CFAP54: variants seen among roughly 807,000 people sequenced by gnomAD.
CFAP54 encodes cilia and flagella associated protein 54, also known as cilia- and flagella-associated protein 54.
CFAP54 carries 290 observed loss-of-function variants against 370.4 expected under a neutral mutation model. The ratio of observed to expected loss-of-function variants is 0.78; its 90% CI spans 0.71 to 0.86. The LOEUF (loss-of-function observed/expected upper bound fraction) is 0.86, where lower values mean the gene tolerates loss of function less well. Ranked by LOEUF, CFAP54 falls within the 40% of genes least tolerant of loss-of-function variation. The probability of loss-of-function intolerance (pLI) is 0.00; values close to 1 mark genes in which losing one functional copy is unlikely to be tolerated. For missense variants in CFAP54, 3,399 were observed against 3,528.7 expected, an observed-to-expected ratio of 0.96 and a Z score of 0.93; for synonymous variants, 1,206 against 1,236.5, an observed-to-expected ratio of 0.98 and a Z score of 0.52.
At chr12:96,794,711 A>G in intron 63 of CFAP54, among the ~76,000 whole-genome samples, 1 of 152,214 alleles carries the variant, frequency 6.6e-6, no homozygotes, top group East Asian at 1.9e-4. Context: ...GTAGCTTAAT[A>G]ATCAACCTTC....
At chr12:96,639,606 G>T (rs1956702094) in intron 32 of CFAP54, among the ~76,000 whole-genome samples, 1 of 152,194 alleles carries the variant, frequency 6.6e-6, no homozygotes, top group Non-Finnish European at 1.5e-5. Flanking sequence ...TGATACCAAA[G>T]CTTAGCAGAG....
chr12:96,744,822 A>AT (rs1347895293), intron 55 of CFAP54, among the ~76,000 whole-genome samples: 1 of 152,092 alleles, frequency 6.6e-6, no homozygotes, highest in Non-Finnish European at 1.5e-5. Context: ...CCCAGCATTC[A>AT]TTGGCCATTC....
chr12:96,720,554 G>C lies in CFAP54; in HGVS notation c.6954G>C (p.Arg2318=). The C allele has an allele frequency of 6.4e-6, 10 of 1,551,768 alleles. No individual in the cohort carries two copies. Among genetic ancestry groups the C allele is most frequent in the Non-Finnish European group, 8.7e-6 (10 of 1,145,430 alleles). ...CTGCAGTTGCTCTGCAGAGGCACCG[G>C]GCGGCATACAGGTGCGTCTCTCCAT... The part of the protein sequence containing the change: ...QLAAVALQRH[R]AAYSAAIVFS... The change falls in exon 50 of 68, where the codon CGG becomes CGC. Residue 2318 remains arginine (R), a synonymous_variant. Coordinates refer to ENST00000524981, the MANE Select transcript of CFAP54 (RefSeq NM_001306084.2).
intron 5 of CFAP54, among the ~76,000 whole-genome samples, chr12:96,516,210 C>T (rs1176344485): frequency 2.0e-5 from 3 of 152,026 alleles, no homozygotes; most frequent in African/African-American, 4.8e-5. Context: ...CCACTGCGTC[C>T]GGCCATTACC....
chr12:96,795,639 A>G (rs1958753744), intron 63 of CFAP54, among the ~76,000 whole-genome samples: 2 of 151,734 alleles, frequency 1.3e-5, no homozygotes, highest in African/African-American at 2.4e-5. Flanking sequence ...GTGCCCTCCC[A>G]ATGTCAGTGA....
intron 60 of CFAP54, among the ~76,000 whole-genome samples, chr12:96,776,638 T>C (rs1958520712): frequency 6.6e-6 from 1 of 152,208 alleles, no homozygotes; most frequent in African/African-American, 2.4e-5. Flanking sequence ...TTGTGGATAG[T>C]CTTCTTTGAA....
intron 36 of CFAP54, among the ~76,000 whole-genome samples, chr12:96,652,774 G>A (rs2136505502): frequency 6.6e-6 from 1 of 152,176 alleles, no homozygotes; most frequent in East Asian, 1.9e-4. Context: ...AAAGAAACAG[G>A]TAGATTGAAA....
intron 32 of CFAP54, among the ~76,000 whole-genome samples, chr12:96,638,859 C>G (rs1232205492): frequency 6.6e-6 from 1 of 152,130 alleles, no homozygotes; most frequent in Non-Finnish European, 1.5e-5. Flanking sequence ...TTGTCTGATT[C>G]CCACTTCATA....
intron 66 of CFAP54, among the ~76,000 whole-genome samples, chr12:96,858,121 A>T (rs2136460640): frequency 6.6e-6 from 1 of 152,304 alleles, no homozygotes; most frequent in Non-Finnish European, 1.5e-5. Flanking sequence ...TTACACTCCC[A>T]CCAACAGTGT....
chr12:96,535,380 T>G, intron 11 of CFAP54, 135 bp from the exon 12 acceptor site: 1 of 630,384 alleles, frequency 1.6e-6, no homozygotes, highest in Non-Finnish European at 2.8e-6. Flanking sequence ...AGTATTTAAC[T>G]TGTCTTATTG....
At chr12:96,754,732 C>T (rs1034082253) in intron 56 of CFAP54, among the ~76,000 whole-genome samples, 4 of 152,000 alleles carry the variant, frequency 2.6e-5, no homozygotes, top group African/African-American at 9.7e-5. Context: ...TACCCATGTG[C>T]TCTGCTAGTG....
intron 63 of CFAP54, among the ~76,000 whole-genome samples, chr12:96,794,991 G>T (rs915941742): frequency 4.6e-5 from 7 of 152,156 alleles, no homozygotes; most frequent in Admixed American, 3.3e-4. Flanking sequence ...GAACTGAACT[G>T]CAGTGATTGT....
chr12:96,839,056 T>C (rs1220459364), intron 66 of CFAP54, among the ~76,000 whole-genome samples: 3 of 152,170 alleles, frequency 2.0e-5, no homozygotes, highest in African/African-American at 7.2e-5. Context: ...AATATGTCCC[T>C]GAGAGAGAGT....
chr12:96,709,357 G>T lies in CFAP54; in HGVS notation c.6724+554G>T, dbSNP rs140680944. 3.2e-3 allele frequency among the ~76,000 whole-genome samples: 489 copies of T among 152,288 alleles called. 3 individuals carry two copies. The highest frequency in any genetic ancestry group is 0.011 in the African/African-American group (447 of 41,554). On this transcript the variant is annotated intron_variant, in intron 48 of 67. Transcript: ENST00000524981. ...CAGATGACATAGTATATCTTTCTAT[G>T]GGGTATATAACCCATGGATGGGATT...
chr12:96,518,425 G>A (rs1481137331), intron 5 of CFAP54, among the ~76,000 whole-genome samples: 1 of 152,212 alleles, frequency 6.6e-6, no homozygotes, highest in Non-Finnish European at 1.5e-5. Context: ...AGTGGCTCAT[G>A]CCTGTAATTC....
intron 1 of CFAP54, among the ~76,000 whole-genome samples, chr12:96,494,468 T>G (rs1954926010): frequency 6.6e-6 from 1 of 151,792 alleles, no homozygotes. Context: ...GCCCGGCTAA[T>G]TTTTGTGTCT....
chr12:96,547,148 T>G (rs546780727), intron 14 of CFAP54, among the ~76,000 whole-genome samples: 3 of 152,284 alleles, frequency 2.0e-5, no homozygotes, highest in East Asian at 3.9e-4. Context: ...TTGTCCAAAT[T>G]GATAGGGTTT....
At chr12:96,627,607 A>G (rs1470211167) in intron 30 of CFAP54, among the ~76,000 whole-genome samples, 1 of 152,214 alleles carries the variant, frequency 6.6e-6, no homozygotes, top group Non-Finnish European at 1.5e-5. Context: ...TCCCTTAAAA[A>G]CATATAGAAA....
chr12:96,595,401 G>A (rs977557411), intron 25 of CFAP54, among the ~76,000 whole-genome samples: 73 of 152,094 alleles, frequency 4.8e-4, no homozygotes, highest in African/African-American at 1.7e-3. Flanking sequence ...CTTACCACAG[G>A]AAAGTAATGA....
Sources: gnomAD v4.1 joint callset for allele counts (sites outside exome capture counted in the v4.1 genomes callset) on GRCh38, gnomAD v4.1.1 for gene constraint, MANE v1.5 for transcripts, NCBI Gene and HGNC (gene_info 2026-07-23, HGNC 2026-07-21) for gene names.